XRCC5: variants seen among roughly 807,000 people sequenced by gnomAD.
XRCC5 encodes the protein X-ray repair cross complementing 5.
In XRCC5, 12 loss-of-function variants were observed where a neutral mutation model predicts 95.7. The ratio of observed to expected loss-of-function variants is 0.13; its 90% confidence interval spans 0.08 to 0.20. The LOEUF is 0.20. Ranked by LOEUF, XRCC5 falls within the 10% of genes least tolerant of loss-of-function variation. The pLI, the probability that XRCC5 is intolerant of heterozygous loss-of-function variation, is 1.00. For synonymous variants in XRCC5, 281 were observed against 290.3 expected (o/e 0.97, Z 0.33); for missense variants, 595 against 873.9 (o/e 0.68, Z 4.02).
intron 19 of XRCC5, among the ~76,000 whole-genome samples, chr2:216,198,863 T>C (rs939648124): frequency 3.9e-5 from 6 of 152,070 alleles, no homozygotes; most frequent in African/African-American, 1.4e-4. Context: ...GGCCTGAAAA[T>C]GCTTTTAAAT....
intron 2 of XRCC5, among the ~76,000 whole-genome samples, chr2:216,115,228 G>A (rs928206694): frequency 6.6e-6 from 1 of 152,130 alleles, no homozygotes; most frequent in African/African-American, 2.4e-5. Context: ...CGCCACTCCG[G>A]AGTTTCTCTG....
At chr2:216,170,489 G>GGA (rs10585319) in intron 16 of XRCC5, among the ~76,000 whole-genome samples, 65 of 150,592 alleles carry the variant, frequency 4.3e-4, no homozygotes, top group East Asian at 1.2e-3. Flanking sequence ...CTTCTATGAA[G>GGA]GAGAGAGAGA....
intron 19 of XRCC5, among the ~76,000 whole-genome samples, chr2:216,200,601 T>A (rs1689818004): frequency 6.6e-6 from 1 of 152,222 alleles, no homozygotes; most frequent in Non-Finnish European, 1.5e-5. Flanking sequence ...TACACATTCA[T>A]GTACCTGGGT....
chr2:216,161,293 T>G (rs1688946984), intron 15 of XRCC5, among the ~76,000 whole-genome samples: 1 of 152,206 alleles, frequency 6.6e-6, no homozygotes, highest in Non-Finnish European at 1.5e-5. Context: ...TTGTTTTCTT[T>G]CTTATGAGCT....
At chr2:216,141,958 G>C (rs1453623375) in intron 13 of XRCC5, among the ~76,000 whole-genome samples, 1 of 152,104 alleles carries the variant, frequency 6.6e-6, no homozygotes, top group Admixed American at 6.6e-5. Context: ...GGAGGCTGAA[G>C]TGGGAGAATT....
At chr2:216,170,510 C>G (rs1431812110) in intron 16 of XRCC5, among the ~76,000 whole-genome samples, 1 of 151,842 alleles carries the variant, frequency 6.6e-6, no homozygotes. Flanking sequence ...GAGAGAGAGA[C>G]ACTTTTAAAC....
intron 6 of XRCC5, among the ~76,000 whole-genome samples, chr2:216,124,208 A>G (rs577703560): frequency 5.3e-5 from 8 of 152,288 alleles, no homozygotes; most frequent in African/African-American, 1.9e-4. Context: ...CTTGACATCT[A>G]CCTGAGGAGA....
intron 19 of XRCC5, among the ~76,000 whole-genome samples, chr2:216,203,848 C>CTTTTTTTTT (rs56250537): frequency 1.7e-5 from 2 of 118,794 alleles, no homozygotes; most frequent in Admixed American, 9.0e-5. Context: ...TTATTCTAAG[C>CTTTTTTTTT]TTTTTTTTTT....
intron 8 of XRCC5, among the ~76,000 whole-genome samples, chr2:216,129,320 G>C (rs564842732): frequency 6.6e-6 from 1 of 152,282 alleles, no homozygotes; most frequent in South Asian, 2.1e-4. Context: ...TCAGCTAGAG[G>C]TTTTTGCTTT....
chr2:216,147,072 ATGAC>A, intron 13 of XRCC5, among the ~76,000 whole-genome samples: 1 of 74,692 alleles, frequency 1.3e-5, no homozygotes, highest in African/African-American at 5.2e-5. Flanking sequence ...GTGACAGAAA[ATGAC>A]TGGGGTGGTA....
chr2:216,155,596 G>A (rs146360354), intron 14 of XRCC5, among the ~76,000 whole-genome samples: 2 of 152,258 alleles, frequency 1.3e-5, no homozygotes, highest in African/African-American at 4.8e-5. Flanking sequence ...GTCACTAGGG[G>A]AAAATGGTCT....
chr2:216,118,831 C>T (rs556730467), intron 4 of XRCC5, among the ~76,000 whole-genome samples: 2 of 152,206 alleles, frequency 1.3e-5, no homozygotes, highest in African/African-American at 4.8e-5. Flanking sequence ...TTCCATAATA[C>T]CCAGACATTT....
chr2:216,123,828 G>A (rs1696860511), intron 6 of XRCC5, among the ~76,000 whole-genome samples: 1 of 151,916 alleles, frequency 6.6e-6, no homozygotes, highest in South Asian at 2.1e-4. Context: ...AAAATTAGAG[G>A]CCAATATAGA....
intron 15 of XRCC5, 73 bp from the exon 16 acceptor site, chr2:216,161,906 C>A: frequency 8.2e-7 from 1 of 1,214,774 alleles, no homozygotes; most frequent in Non-Finnish European, 1.2e-6. Flanking sequence ...TACATTAAGC[C>A]ATCTTGTATT....
intron 16 of XRCC5, among the ~76,000 whole-genome samples, chr2:216,178,689 ATTC>A (rs1355195012): frequency 1.3e-5 from 2 of 152,286 alleles, no homozygotes; most frequent in Admixed American, 1.3e-4. Flanking sequence ...ATAGCATGTT[ATTC>A]TTTCTGCATT....
chr2:216,109,523 C>T (rs1003706743), intron 1 of XRCC5, 66 bp downstream of exon 1: 1 of 1,603,728 alleles, frequency 6.2e-7, no homozygotes, highest in African/African-American at 1.3e-5. Flanking sequence ...GGTTCGGAAG[C>T]AGGAATCGTG....
At chr2:216,126,897 T>TA (rs1696907227) in intron 7 of XRCC5, among the ~76,000 whole-genome samples, 1 of 152,040 alleles carries the variant, frequency 6.6e-6, no homozygotes, top group Non-Finnish European at 1.5e-5. Context: ...CTGACACAGA[T>TA]ATATTGCTTC....
rs11690584 is a variant in XRCC5, at chr2:216,140,757, A to G, written c.1343-429A>G. On this transcript the variant is annotated intron_variant, in intron 12 of 20. Coordinates refer to ENST00000392132, the MANE Select transcript of XRCC5 (RefSeq NM_021141.4). ...GATAAAAGTTATATTAAAGTCATTA[A>G]AATGCTTATGCTTCATTACCAGAGA... 7.4e-3 allele frequency among the ~76,000 whole-genome samples: 1,129 copies of G among 152,328 alleles called. 11 individuals carry two copies. The highest frequency in any genetic ancestry group is 0.013 in the Non-Finnish European group (872 of 68,022).
chr2:216,180,200 C>T (rs1355104345), intron 16 of XRCC5, among the ~76,000 whole-genome samples: 6 of 152,088 alleles, frequency 3.9e-5, no homozygotes, highest in African/African-American at 1.2e-4. Flanking sequence ...CCTTGAGTAA[C>T]GGAGAGGCAT....
Sources: gnomAD v4.1 joint callset for allele counts (sites outside exome capture counted in the v4.1 genomes callset) on GRCh38, gnomAD v4.1.1 for gene constraint, MANE v1.5 for transcripts, NCBI Gene and HGNC (gene_info 2026-07-23, HGNC 2026-07-21) for gene names.